The following PIBF1 variants were observed in gnomAD, a reference collection of about 807,000 sequenced individuals.
PIBF1 encodes the protein progesterone-induced-blocking factor 1.
In PIBF1, 90 loss-of-function variants were observed where a neutral mutation model predicts 112.5. The ratio of observed to expected loss-of-function variants is 0.80; its 90% CI spans 0.67 to 0.95. The LOEUF (loss-of-function observed/expected upper bound fraction) is 0.95. Among genes scored for constraint, PIBF1 ranks in the 40% least tolerant of loss-of-function variants. The pLI, the probability that PIBF1 is intolerant of heterozygous loss-of-function variation, is 0.00. For synonymous variants in PIBF1, 301 were observed against 288.6 expected, an observed-to-expected ratio of 1.04 and a Z score of -0.44; for missense variants, 915 against 852.3, an observed-to-expected ratio of 1.07 and a Z score of -0.92.
chr13:72,979,011 C>T (rs776553612), intron 16 of PIBF1, among the ~76,000 whole-genome samples: 1 of 151,942 alleles, frequency 6.6e-6, no homozygotes, highest in Non-Finnish European at 1.5e-5. Flanking sequence ...CCTGGACAAC[C>T]TAGGAAGACC....
At chr13:72,782,977 A>G (rs919238605) in intron 1 of PIBF1, among the ~76,000 whole-genome samples, 3 of 151,782 alleles carry the variant, frequency 2.0e-5, no homozygotes, top group African/African-American at 7.3e-5. Flanking sequence ...TTTTACTTCC[A>G]CTTACGTATC....
In PIBF1 at chr13:72,854,159, A is replaced by C. The variant is rs2138323870; in HGVS notation, c.1322+4A>C. The C allele has an allele frequency of 6.4e-7, 1 of 1,564,110 alleles. No individual in the cohort carries two copies. The highest frequency in any genetic ancestry group is 8.8e-7 in the Non-Finnish European group (1 of 1,135,574). On this transcript the variant is annotated splice_donor_region_variant and intron_variant, in intron 10 of 17. Transcript: ENST00000326291. Reference sequence around the variant, plus strand: ...AACACGATCAGCTCTTAGACAGGTAAGCATCATAAAAATAGAAATGTTAAA... The same window carrying C: ...AACACGATCAGCTCTTAGACAGGTACGCATCATAAAAATAGAAATGTTAAA...
At chr13:72,875,571 TC>T (rs2039362013) in intron 10 of PIBF1, among the ~76,000 whole-genome samples, 7 of 152,190 alleles carry the variant, frequency 4.6e-5, no homozygotes, top group Admixed American at 4.6e-4. Context: ...GAATGAGAAT[TC>T]CTGTTACTCC....
Position 72,960,890 on chromosome 13 carries a change from A to T in PIBF1, c.1834-4384A>T, listed in dbSNP as rs568636121. 1.6e-4 allele frequency among the ~76,000 whole-genome samples: 24 copies of T among 152,174 alleles called. 1 individual carries two copies. In the South Asian group the frequency reaches 5.0e-3, roughly 32 times the overall value. ...TTGTAATATATTTTAAAGAATAATT[A>T]CCAAAGCAAAGAAAAAAAACATTCT... On this transcript the variant is annotated intron_variant, in intron 14 of 17. Transcript: ENST00000326291.
chr13:72,922,343 G>T (rs2041328140), intron 13 of PIBF1, among the ~76,000 whole-genome samples: 2 of 152,122 alleles, frequency 1.3e-5, no homozygotes, highest in Admixed American at 6.5e-5. Context: ...AATTAAAGTA[G>T]ATTAAAATAA....
chr13:72,952,207 C>T (rs1327909486), intron 14 of PIBF1, among the ~76,000 whole-genome samples: 1 of 151,880 alleles, frequency 6.6e-6, no homozygotes, highest in African/African-American at 2.4e-5. Flanking sequence ...GCACACACCA[C>T]CATGCCCAGC....
chr13:72,923,718 A>C (rs577139417), intron 13 of PIBF1, among the ~76,000 whole-genome samples: 36 of 152,262 alleles, frequency 2.4e-4, no homozygotes, highest in African/African-American at 7.7e-4. Flanking sequence ...TAATCCCAGC[A>C]CTTTGGGATG....
chr13:72,953,799 T>A (rs1157394525), intron 14 of PIBF1, among the ~76,000 whole-genome samples: 1 of 152,074 alleles, frequency 6.6e-6, no homozygotes, highest in Non-Finnish European at 1.5e-5. Flanking sequence ...AGGTGGTGCT[T>A]GCAAAAGAGT....
At chr13:72,966,801 C>T (rs1020587379) in intron 15 of PIBF1, among the ~76,000 whole-genome samples, 4 of 152,052 alleles carry the variant, frequency 2.6e-5, no homozygotes, top group Non-Finnish European at 5.9e-5. Context: ...CCCAGCCACT[C>T]TGGAGGCTGA....
chr13:72,964,993 C>T (rs928749144), intron 14 of PIBF1, among the ~76,000 whole-genome samples: 4 of 152,018 alleles, frequency 2.6e-5, no homozygotes, highest in African/African-American at 4.8e-5. Flanking sequence ...ACCTGGAAGG[C>T]GGAGGTTGCA....
At chr13:72,865,477 T>A (rs555863852) in intron 10 of PIBF1, among the ~76,000 whole-genome samples, 57 of 152,364 alleles carry the variant, frequency 3.7e-4, no homozygotes, top group African/African-American at 1.3e-3. Flanking sequence ...CCTGTGAATC[T>A]TCTGGCAAAT....
chr13:72,949,532 G>A (rs1279089169), intron 14 of PIBF1, among the ~76,000 whole-genome samples: 1 of 152,006 alleles, frequency 6.6e-6, no homozygotes, highest in East Asian at 1.9e-4. Flanking sequence ...GGCCAGGCTG[G>A]TCTTGAACTC....
intron 9 of PIBF1, among the ~76,000 whole-genome samples, chr13:72,845,766 T>A (rs895358102): frequency 2.4e-4 from 37 of 152,158 alleles, no homozygotes; most frequent in African/African-American, 8.4e-4. Flanking sequence ...GATGATGAGC[T>A]TTTTTTCATG....
At position 72,826,959 on chromosome 13, in the gene PIBF1, T is replaced by C. The variant is rs536825897; in HGVS notation, c.807-51T>C. On this transcript the variant is annotated intron_variant, in intron 6 of 17. Transcript: ENST00000326291. ...TAGTCAACCCTTTTAAAGTGTACGC[T>C]GTACAAGGGGATGTAAAATTTACAT... is the stretch of plus-strand genomic sequence containing the variant. The C allele has an allele frequency of 4.8e-6, 5 of 1,042,914 alleles. No individual in the cohort carries two copies. The Admixed American group carries it at 6.8e-5, about 14-fold the overall frequency. 64.6% of individuals were successfully genotyped at this position (1,042,914 alleles called of 1,614,324 possible).
intron 2 of PIBF1, among the ~76,000 whole-genome samples, chr13:72,787,150 TAGAC>T (rs1201372065): frequency 6.6e-6 from 1 of 152,208 alleles, no homozygotes; most frequent in East Asian, 1.9e-4. Flanking sequence ...AATAACACCT[TAGAC>T]AGGCAAACAG....
At chr13:72,888,288 G>A (rs1296395576) in intron 10 of PIBF1, among the ~76,000 whole-genome samples, 1 of 152,012 alleles carries the variant, frequency 6.6e-6, no homozygotes, top group Non-Finnish European at 1.5e-5. Context: ...TAATATTGGG[G>A]GAAGGAGAGC....
chr13:72,836,095 T>G (rs1268147353), intron 9 of PIBF1: 1 of 429,108 alleles, frequency 2.3e-6, no homozygotes, highest in Non-Finnish European at 4.5e-6. Flanking sequence ...CGAGACACCA[T>G]CTCAAAAAAA....
chr13:72,988,849 C>T (rs2043385411), intron 16 of PIBF1, among the ~76,000 whole-genome samples: 2 of 151,992 alleles, frequency 1.3e-5, no homozygotes, highest in Non-Finnish European at 1.5e-5. Context: ...CCAACCTGGC[C>T]AACATGGTGA....
intron 16 of PIBF1, among the ~76,000 whole-genome samples, chr13:72,991,269 G>A (rs2043470038): frequency 6.8e-6 from 1 of 146,550 alleles, no homozygotes. Flanking sequence ...CATAGAGATT[G>A]TTTATGCAGT....
Sources: allele counts gnomAD v4.1 joint callset (sites outside exome capture counted in the v4.1 genomes callset), GRCh38; gene constraint gnomAD v4.1.1; transcripts MANE v1.5; gene names NCBI Gene and HGNC (gene_info 2026-07-23, HGNC 2026-07-21).